NEU3: variants seen among roughly 807,000 people sequenced by gnomAD.
The protein encoded by NEU3 is sialidase-3.
Under a neutral mutation model 11.4 loss-of-function variants are expected in NEU3, and 10 were observed. The observed-to-expected ratio is 0.88, with a 90% CI of 0.54 to 1.49. The LOEUF is 1.49. NEU3 is among the 40% of genes most tolerant of loss of function. The pLI is 0.00. For synonymous variants in NEU3, 212 were observed against 228.2 expected, an observed-to-expected ratio of 0.93 and a Z score of 0.64; for missense variants, 529 against 581.8, an observed-to-expected ratio of 0.91 and a Z score of 0.93.
rs1184116737 is a variant in NEU3 at position 75,007,434 on chromosome 11, G to GCCCA, written c.*942_*943insCCCA. The stretch of plus-strand genomic sequence containing the variant: ...AGACTTTGTAGATGTTGGGCTATAT[G>GCCCA]TTGGGGTGATGGTAGCTCCTGATGT... On this transcript the variant is annotated 3_prime_UTR_variant, in exon 3 of 3. Coordinates refer to ENST00000294064, the MANE Select transcript of NEU3 (RefSeq NM_006656.6). The GCCCA allele has an allele frequency of 6.6e-6, 1 of 152,242 alleles. No homozygotes were observed. Among genetic ancestry groups the GCCCA allele is most frequent in the East Asian group, 1.9e-4 (1 of 5,200 alleles). The allele number at this position is 152,242 out of a possible 1,614,324, so 9.4% of individuals were successfully genotyped here.
chr11:74,987,542 G>A (rs548883417), upstream of NEU3, among the ~76,000 whole-genome samples: 2 of 152,230 alleles, frequency 1.3e-5, no homozygotes, highest in African/African-American at 4.8e-5. Flanking sequence ...TGCCAGGCGC[G>A]GTGGCTCACG....
downstream of NEU3, among the ~76,000 whole-genome samples, chr11:75,014,916 G>A (rs1948974460): frequency 6.6e-6 from 1 of 152,118 alleles, no homozygotes; most frequent in Admixed American, 6.5e-5. Flanking sequence ...TGAGTCACAA[G>A]TTGCAGATAG....
downstream of NEU3, chr11:75,018,981 T>C (rs781433984): frequency 6.6e-6 from 1 of 152,576 alleles, no homozygotes; most frequent in Non-Finnish European, 1.5e-5. Flanking sequence ...ACTCTTGTTA[T>C]GTTGTAACAA....
rs1948948203 is a variant in NEU3, at chr11:75,010,612, G to A, written c.*4120G>A. ...CTTGGTTGTCCCTGGCTTTCCCAAG[G>A]ATCACAGCCCAAAAGGCACAGTGGG... On this transcript the variant is annotated 3_prime_UTR_variant, in exon 3 of 3. Transcript: ENST00000294064. 1 of 152,178 alleles carries A rather than the reference G, an allele frequency of 6.6e-6. No individual in the cohort carries two copies. The highest frequency in any genetic ancestry group is 2.1e-4 in the South Asian group (1 of 4,822). 9.4% of individuals were successfully genotyped at this position (152,178 alleles called of 1,614,324 possible).
chr11:74,987,235 G>C (rs1209717596), upstream of NEU3, among the ~76,000 whole-genome samples: 1 of 152,178 alleles, frequency 6.6e-6, no homozygotes, highest in Non-Finnish European at 1.5e-5. Flanking sequence ...GCTTTCCTTA[G>C]CAAACTCTGA....
chr11:75,003,281 T>C (rs1024550736), intron 2 of NEU3, among the ~76,000 whole-genome samples: 1 of 152,210 alleles, frequency 6.6e-6, no homozygotes, highest in Non-Finnish European at 1.5e-5. Context: ...GGTTGTCAAA[T>C]GACTTGCTCA....
chr11:74,989,278 G>T (rs928679621), intron 1 of NEU3, 124 bp downstream of exon 1: 2 of 759,884 alleles, frequency 2.6e-6, no homozygotes, highest in South Asian at 1.7e-5. Context: ...CACCTAGTCG[G>T]CTAGGATCTG....
intron 1 of NEU3, chr11:74,989,949 T>C (rs1476919521): frequency 1.4e-6 from 1 of 702,438 alleles, no homozygotes; most frequent in South Asian, 1.5e-5. Context: ...GATTATTTTC[T>C]ATCCCGTTTC....
At chr11:75,013,718 T>C (rs1296691336), downstream of NEU3, among the ~76,000 whole-genome samples, 5 of 152,184 alleles carry the variant, frequency 3.3e-5, no homozygotes, top group African/African-American at 1.2e-4. Context: ...AAATAACATT[T>C]GTAAAGTGCC....
the NEU3 span, among the ~76,000 whole-genome samples, chr11:74,981,486 C>T: frequency 6.6e-6 from 1 of 152,294 alleles, no homozygotes; most frequent in East Asian, 1.9e-4. Flanking sequence ...TTTGAGCACC[C>T]CTCCCCTCAC....
chr11:74,996,346 G>T (rs933014538), intron 2 of NEU3, among the ~76,000 whole-genome samples: 1 of 152,108 alleles, frequency 6.6e-6, no homozygotes, highest in Non-Finnish European at 1.5e-5. Context: ...TAAATCCTTT[G>T]TTGCCATTTT....
Position 75,006,164 on chromosome 11 carries a change from A to C in NEU3, c.1058A>C (p.Glu353Ala). ...GGCAGTTCACTGAGGCTGGAGGAGG[A>C]AGCTGGAACACCGTCAGAATCATGG... ...SPGSSLRLEE[E>A]AGTPSESWLL... Residue 353 changes from glutamate (E) to alanine (A), a missense_variant, in exon 3 of 3, where the codon GAA becomes GCA. Glu to Ala is a moderately radical substitution (Grantham distance 107). Coordinates refer to ENST00000294064, the MANE Select transcript of NEU3 (RefSeq NM_006656.6). The C allele has an allele frequency of 6.2e-7, 1 of 1,613,936 alleles. No individual in the cohort carries two copies. The highest frequency in any genetic ancestry group is 8.5e-7 in the Non-Finnish European group (1 of 1,179,872).
rs1948936975 is a variant in NEU3 at position 75,009,699 on chromosome 11, A to G, written c.*3207A>G. On this transcript the variant is annotated 3_prime_UTR_variant, in exon 3 of 3. Transcript: ENST00000294064. ...TGGATCCTTCCAGCACACATGGCCC[A>G]ACACTGAGAGTGCAGGAAGCATGGG... 6.6e-6 allele frequency: 1 copy of G among 152,274 alleles called. No individual in the cohort carries two copies. Among genetic ancestry groups the G allele is most frequent in the African/African-American group, 2.4e-5 (1 of 41,426 alleles). The allele number at this position is 152,274 out of a possible 1,614,324, so 9.4% of individuals were successfully genotyped here. A position where few individuals can be genotyped will look rare whatever the true frequency, so the allele number is the denominator to read the frequency against.
intron 2 of NEU3, chr11:75,004,343 C>A: frequency 3.0e-6 from 2 of 659,632 alleles, no homozygotes; most frequent in Non-Finnish European, 5.4e-6. Context: ...TGGTCTCAAA[C>A]TCCTGGACTC....
At chr11:74,998,675 T>C (rs1948815917) in intron 2 of NEU3, among the ~76,000 whole-genome samples, 1 of 152,252 alleles carries the variant, frequency 6.6e-6, no homozygotes, top group African/African-American at 2.4e-5. Flanking sequence ...GCTATTCTGC[T>C]GAACATGGGC....
upstream of NEU3, chr11:74,988,850 C>T: frequency 3.6e-6 from 2 of 554,932 alleles, no homozygotes; most frequent in South Asian, 4.3e-5. Context: ...GGAGGGCTCG[C>T]GGAGTAGGCC....
chr11:74,983,535 G>A (rs78922632), upstream of NEU3, among the ~76,000 whole-genome samples: 11 of 152,326 alleles, frequency 7.2e-5, no homozygotes, highest in East Asian at 2.1e-3. Flanking sequence ...CTGCTACTGA[G>A]CTCTTGAGGA....
chr11:74,994,955 C>A, intron 2 of NEU3: 1 of 646,684 alleles, frequency 1.5e-6, no homozygotes, highest in South Asian at 1.7e-5. Context: ...ATTTTACAGA[C>A]AAGGAAACTG....
chr11:75,004,917 CCTTTCTTTTTTTTTT>C (rs1456837955), intron 2 of NEU3, among the ~76,000 whole-genome samples: 1 of 151,456 alleles, frequency 6.6e-6, no homozygotes, highest in Non-Finnish European at 1.5e-5. Flanking sequence ...TCTTTCCTTT[CCTTTCTTTTTTTTTT>C]CTTTCTTTCT....
Sources: allele counts gnomAD v4.1 joint callset (sites outside exome capture counted in the v4.1 genomes callset), GRCh38; gene constraint gnomAD v4.1.1; transcripts MANE v1.5; gene names NCBI Gene and HGNC (gene_info 2026-07-23, HGNC 2026-07-21).